The following ATAD1 variants were observed in gnomAD, a reference collection of about 807,000 sequenced individuals.
The protein encoded by ATAD1 is outer mitochondrial transmembrane helix translocase.
Under a neutral mutation model 42.7 loss-of-function variants are expected in ATAD1, and 18 were observed. The ratio of observed to expected loss-of-function variants is 0.42; its 90% CI spans 0.29 to 0.63. ATAD1 has a LOEUF of 0.63. Ranked by LOEUF, ATAD1 falls within the 20% of genes least tolerant of loss-of-function variation. ATAD1 has a pLI of 0.19. For synonymous variants in ATAD1, 132 were observed against 143.1 expected (o/e 0.92, Z 0.55); for missense variants, 294 against 440.4 (o/e 0.67, Z 2.98).
At chr10:87,836,326 C>T (rs1373697412) in intron 1 of ATAD1, among the ~76,000 whole-genome samples, 5 of 152,192 alleles carry the variant, frequency 3.3e-5, no homozygotes, top group South Asian at 2.1e-4. Context: ...ATGTCATTTC[C>T]GTCTGTCTGA....
chr10:87,830,886 A>G (rs1857816390), intron 1 of ATAD1, among the ~76,000 whole-genome samples: 1 of 152,196 alleles, frequency 6.6e-6, no homozygotes, highest in African/African-American at 2.4e-5. Context: ...ATCTATATCT[A>G]TATTTAGAAA....
chr10:87,837,388 T>C (rs979041259), intron 1 of ATAD1, among the ~76,000 whole-genome samples: 1 of 152,208 alleles, frequency 6.6e-6, no homozygotes, highest in Admixed American at 6.5e-5. Context: ...AAAAAGAATA[T>C]TTTGCTTTCC....
At chr10:87,837,692 A>G (rs1857954032) in intron 1 of ATAD1, among the ~76,000 whole-genome samples, 1 of 152,164 alleles carries the variant, frequency 6.6e-6, no homozygotes, top group Non-Finnish European at 1.5e-5. Context: ...CTGCTGTGGT[A>G]TGTACTTTCT....
chr10:87,765,865 AAAAT>A (rs1004813164), intron 8 of ATAD1, among the ~76,000 whole-genome samples: 5 of 152,044 alleles, frequency 3.3e-5, no homozygotes, highest in African/African-American at 7.2e-5. Context: ...CCATCTCAAC[AAAAT>A]AAATAACTAA....
chr10:87,754,947 A>T (rs1474148476), intron 9 of ATAD1, 140 bp from the exon 10 acceptor site: 24 of 1,021,056 alleles, frequency 2.4e-5, no homozygotes, highest in Non-Finnish European at 3.3e-5. Context: ...ATAAAAATGA[A>T]ATCTCTTTAC....
intron 8 of ATAD1, among the ~76,000 whole-genome samples, chr10:87,766,870 G>A (rs12782235): frequency 0.29 from 44,565 of 151,464 alleles, 6,770 homozygotes; most frequent in Middle Eastern, 0.32. Context: ...ATTTTTCTCC[G>A]TGTATTATTA....
At chr10:87,800,820 AGG>A in intron 2 of ATAD1, among the ~76,000 whole-genome samples, 1 of 152,316 alleles carries the variant, frequency 6.6e-6, no homozygotes, top group East Asian at 1.9e-4. Flanking sequence ...CTAAAACACA[AGG>A]CCAGAAATTA....
chr10:87,794,684 T>C (rs975928568), intron 2 of ATAD1, among the ~76,000 whole-genome samples: 1 of 152,188 alleles, frequency 6.6e-6, no homozygotes, highest in African/African-American at 2.4e-5. Context: ...CAACAATGCC[T>C]GATATGAGAA....
chr10:87,793,778 TAAGTTTTGG>T (rs1473412379), intron 2 of ATAD1, among the ~76,000 whole-genome samples: 9 of 152,236 alleles, frequency 5.9e-5, no homozygotes, highest in Non-Finnish European at 1.0e-4. Context: ...CATGTTTACC[TAAGTTTTGG>T]TTATTACATT....
intron 2 of ATAD1, among the ~76,000 whole-genome samples, chr10:87,811,154 G>A (rs187248640): frequency 1.7e-3 from 264 of 152,094 alleles, no homozygotes; most frequent in African/African-American, 6.1e-3. Context: ...TCAACATGGT[G>A]AAACCCCGTC....
At chr10:87,758,998 G>T (rs1170126513) in intron 8 of ATAD1, among the ~76,000 whole-genome samples, 3 of 151,998 alleles carry the variant, frequency 2.0e-5, no homozygotes, top group Non-Finnish European at 4.4e-5. Flanking sequence ...ATGGTTATAG[G>T]GTTGCAAATA....
Position 87,790,959 on chromosome 10 carries a change from G to A in ATAD1, c.262-529C>T, listed in dbSNP as rs542417093. Among the ~76,000 whole-genome samples, 26 of 148,622 alleles carry A rather than the reference G, an allele frequency of 1.7e-4. No homozygotes were observed. In the South Asian group the frequency reaches 4.9e-3, roughly 28 times the overall value. Reference sequence around the variant, plus strand: ...AGCACTTTGGGAGGCCAAGGTGAGCGGATCACTTGAGGTCAGGAGTTCGGG... The same window carrying A: ...AGCACTTTGGGAGGCCAAGGTGAGCAGATCACTTGAGGTCAGGAGTTCGGG... On this transcript the variant is annotated intron_variant, in intron 3 of 9. Coordinates refer to ENST00000680024, the MANE Select transcript of ATAD1 (RefSeq NM_001321967.2).
intron 8 of ATAD1, among the ~76,000 whole-genome samples, chr10:87,762,318 T>C (rs1212545749): frequency 6.6e-6 from 1 of 152,252 alleles, no homozygotes; most frequent in Non-Finnish European, 1.5e-5. Context: ...CCTTCTAGTA[T>C]CTGTTAAATT....
intron 9 of ATAD1, among the ~76,000 whole-genome samples, chr10:87,756,256 A>G (rs545001034): frequency 2.6e-5 from 4 of 152,356 alleles, no homozygotes; most frequent in East Asian, 1.9e-4. Flanking sequence ...GAAATGCAGT[A>G]TAATACTGGT....
chr10:87,828,624 CA>C (rs1295361558), intron 1 of ATAD1, among the ~76,000 whole-genome samples: 1 of 152,210 alleles, frequency 6.6e-6, no homozygotes, highest in African/African-American at 2.4e-5. Context: ...AAGGTGGCTA[CA>C]CTAAACACAG....
At chr10:87,836,870 A>G (rs946504511) in intron 1 of ATAD1, among the ~76,000 whole-genome samples, 1 of 152,086 alleles carries the variant, frequency 6.6e-6, no homozygotes, top group Non-Finnish European at 1.5e-5. Flanking sequence ...TTCCCCCAAT[A>G]CTTTTTCTCT....
At chr10:87,805,851 G>A (rs1856897698) in intron 2 of ATAD1, among the ~76,000 whole-genome samples, 1 of 151,004 alleles carries the variant, frequency 6.6e-6, no homozygotes, top group Non-Finnish European at 1.5e-5. Flanking sequence ...CCACCAAATG[G>A]AAATTACTCT....
intron 8 of ATAD1, among the ~76,000 whole-genome samples, chr10:87,766,241 C>A (rs1474542322): frequency 3.3e-5 from 5 of 152,034 alleles, no homozygotes; most frequent in Non-Finnish European, 7.4e-5. Context: ...CAATTCCGCT[C>A]CTGGATAATT....
At chr10:87,824,943 C>T (rs540550985) in intron 1 of ATAD1, among the ~76,000 whole-genome samples, 6 of 152,230 alleles carry the variant, frequency 3.9e-5, no homozygotes, top group Admixed American at 1.3e-4. Flanking sequence ...TAAAGTTTAA[C>T]GTATTTATCG....
Sources: allele counts gnomAD v4.1 joint callset (sites outside exome capture counted in the v4.1 genomes callset), GRCh38; gene constraint gnomAD v4.1.1; transcripts MANE v1.5; gene names NCBI Gene and HGNC (gene_info 2026-07-23, HGNC 2026-07-21).